The following TIAL1 variants were observed in gnomAD, a reference collection of about 807,000 sequenced individuals.
TIAL1 encodes TIA1 cytotoxic granule associated RNA binding protein like 1, also known as nucleolysin TIAR.
A neutral mutation model predicts 59.7 loss-of-function variants in TIAL1; 7 were observed. The ratio of observed to expected loss-of-function variants is 0.12; its 90% CI spans 0.07 to 0.22. The LOEUF (loss-of-function observed/expected upper bound fraction) is 0.22, where lower values mean the gene tolerates loss of function less well. Ranked by LOEUF, TIAL1 falls within the 10% of genes least tolerant of loss-of-function variation. The probability of loss-of-function intolerance (pLI) is 1.00; values close to 1 mark genes in which losing one functional copy is unlikely to be tolerated. For missense variants in TIAL1, 225 were observed against 462.5 expected (o/e 0.49, Z 4.71); for synonymous variants, 149 against 146.3 (o/e 1.02, Z -0.13).
chr10:119,576,363 T>C (rs1247337963), intron 11 of TIAL1, among the ~76,000 whole-genome samples: 1 of 152,184 alleles, frequency 6.6e-6, no homozygotes, highest in Non-Finnish European at 1.5e-5. Context: ...GTAAATCAAA[T>C]TCTACCAACT....
chr10:119,577,001 T>C, intron 10 of TIAL1, 79 bp downstream of exon 10: 2 of 1,541,566 alleles, frequency 1.3e-6, no homozygotes, highest in Non-Finnish European at 1.8e-6. Context: ...ATTTTATTGT[T>C]CATTTTACAG....
intron 10 of TIAL1, 79 bp from the exon 11 acceptor site, chr10:119,576,829 G>A: frequency 3.2e-6 from 5 of 1,553,244 alleles, no homozygotes; most frequent in Non-Finnish European, 4.4e-6. Context: ...ACAAGGAAGA[G>A]AAAAACTAAG....
In TIAL1 at chr10:119,588,194, G is replaced by A. The variant is rs760643729; in HGVS notation, c.87C>T (p.Phe29=). Residue 29 remains phenylalanine (F), a synonymous_variant, in exon 2 of 12, where the codon TTC becomes TTT. Transcript: ENST00000436547. ...AGCTTTTACAGGGTCCAATCTGACT[G>A]AACAACTGAAGTATAAGGACTTCTG... ...DVTEVLILQL[F]SQIGPCKSCK... is the part of the protein sequence containing the mutation. 1.3e-6 allele frequency: 2 copies of A among 1,599,368 alleles called. No individual in the cohort carries two copies. The highest frequency in any genetic ancestry group is 1.7e-6 in the Non-Finnish European group (2 of 1,171,438).
chr10:119,579,875 TTAAG>T, intron 6 of TIAL1, 56 bp downstream of exon 6: 2 of 1,355,232 alleles, frequency 1.5e-6, no homozygotes, highest in African/African-American at 1.5e-5. Context: ...ATTCAATACA[TTAAG>T]TAACTAATGA....
chr10:119,596,906 G>C lies in TIAL1; in HGVS notation c.-441C>G, dbSNP rs571144166. 63 of 184,292 alleles carry C rather than the reference G, an allele frequency of 3.4e-4. No homozygotes were observed. The highest frequency in any genetic ancestry group is 1.5e-3 in the African/African-American group (62 of 42,052). 11.4% of individuals were successfully genotyped at this position (184,292 alleles called of 1,614,324 possible). A position where few individuals can be genotyped will look rare whatever the true frequency, so the allele number is the denominator to read the frequency against. On this transcript the variant is annotated 5_prime_UTR_variant, in exon 1 of 12. Transcript: ENST00000436547. ...GAGATCGGGCAAAAAGAGAAACGTC[G>C]TGAAGCCGAAGTCTCTGGGAATTGT... is the stretch of plus-strand genomic sequence containing the variant.
intron 5 of TIAL1, 81 bp downstream of exon 5, chr10:119,581,841 G>A (rs375300356): frequency 9.0e-7 from 1 of 1,109,926 alleles, no homozygotes. Context: ...ACTAGAGAAA[G>A]AAAATCTTAA....
At position 119,575,662 on chromosome 10, in the gene TIAL1, G is replaced by A. The variant is rs772511363; in HGVS notation, c.*3C>T. 39 of 1,612,814 alleles carry A rather than the reference G, an allele frequency of 2.4e-5. 1 individual carries two copies. Among genetic ancestry groups the A allele is most frequent in the South Asian group, 1.4e-4 (13 of 91,048 alleles). ...AATTACAATTTTTTTTTAGAGTCCC[G>A]GCTCACTGTGTTTGGTAACTTGCCA... On this transcript the variant is annotated 3_prime_UTR_variant, in exon 12 of 12. Coordinates refer to ENST00000436547, the MANE Select transcript of TIAL1 (RefSeq NM_003252.4).
chr10:119,578,362 C>T (rs1331598619), intron 7 of TIAL1, among the ~76,000 whole-genome samples: 2 of 151,896 alleles, frequency 1.3e-5, no homozygotes, highest in East Asian at 1.9e-4. Flanking sequence ...TATACCACAG[C>T]CCAATTATTT....
chr10:119,596,073 T>C (rs1459003490), intron 1 of TIAL1, among the ~76,000 whole-genome samples: 1 of 139,676 alleles, frequency 7.2e-6, no homozygotes, highest in Non-Finnish European at 1.6e-5. Flanking sequence ...CCTTCCCCCG[T>C]GGGCGCCGGC....
intron 1 of TIAL1, among the ~76,000 whole-genome samples, chr10:119,590,603 G>A (rs7093070): frequency 0.15 from 22,759 of 151,872 alleles, 2,005 homozygotes; most frequent in African/African-American, 0.24. Flanking sequence ...CCAGCTACTC[G>A]GGAGGCCGAG....
chr10:119,578,540 A>C (rs1304775050), intron 7 of TIAL1, among the ~76,000 whole-genome samples, 186 bp downstream of exon 7: 2 of 152,072 alleles, frequency 1.3e-5, no homozygotes, highest in African/African-American at 2.4e-5. Flanking sequence ...CTGAGGTGAA[A>C]GGATCACTTA....
chr10:119,585,240 T>C (rs1845506646), intron 2 of TIAL1, among the ~76,000 whole-genome samples: 1 of 151,808 alleles, frequency 6.6e-6, no homozygotes, highest in Non-Finnish European at 1.5e-5. Flanking sequence ...CCTAGGAGTT[T>C]AGGACCAGCC....
chr10:119,577,797 T>A, intron 7 of TIAL1, 61 bp from the exon 8 acceptor site: 1 of 1,390,968 alleles, frequency 7.2e-7, no homozygotes, highest in Non-Finnish European at 1.0e-6. Flanking sequence ...ACTCTTCTGT[T>A]AATTACTATA....
At chr10:119,584,924 G>C (rs923366985) in intron 2 of TIAL1, among the ~76,000 whole-genome samples, 4 of 151,692 alleles carry the variant, frequency 2.6e-5, no homozygotes, top group African/African-American at 9.7e-5. Context: ...GGCTAATATG[G>C]TGAAACCTTG....
chr10:119,586,089 C>A (rs180705400), intron 2 of TIAL1, among the ~76,000 whole-genome samples: 1 of 152,306 alleles, frequency 6.6e-6, no homozygotes, highest in Admixed American at 6.5e-5. Context: ...CCACTGCAAG[C>A]TTCAGCACCG....
intron 1 of TIAL1, among the ~76,000 whole-genome samples, chr10:119,593,254 T>G (rs1203835541): frequency 6.6e-6 from 1 of 152,190 alleles, no homozygotes; most frequent in Non-Finnish European, 1.5e-5. Flanking sequence ...CTTGTTTGTT[T>G]TTTTAGATCA....
intron 2 of TIAL1, among the ~76,000 whole-genome samples, chr10:119,584,910 T>C (rs1845480445): frequency 6.6e-6 from 1 of 151,782 alleles, no homozygotes; most frequent in African/African-American, 2.4e-5. Context: ...ATCAAGACCA[T>C]CCTGGCTAAT....
At position 119,577,729 on chromosome 10, in the gene TIAL1, A is replaced by T; in HGVS notation, c.564T>A (p.Thr188=). Residue 188 remains threonine (T), a synonymous_variant, in exon 8 of 12, where the codon ACT becomes ACA. Transcript: ENST00000436547. ...CTACATCTTCAAATCTCAACTGCTT[A>T]GTGTTGTCTGTATGCAGAAACAAAA... ...PAPKSTQENN[T]KQLRFEDVVN... The T allele has an allele frequency of 6.2e-7, 1 of 1,613,716 alleles. No individual in the cohort carries two copies. Among genetic ancestry groups the T allele is most frequent in the Non-Finnish European group, 8.5e-7 (1 of 1,179,600 alleles).
At chr10:119,578,397 ATAAT>A (rs1845132474) in intron 7 of TIAL1, among the ~76,000 whole-genome samples, 1 of 152,282 alleles carries the variant, frequency 6.6e-6, no homozygotes. Flanking sequence ...ATAAAATGAA[ATAAT>A]TAGAGTCTTG....
Sources: allele counts gnomAD v4.1 joint callset (sites outside exome capture counted in the v4.1 genomes callset), GRCh38; gene constraint gnomAD v4.1.1; transcripts MANE v1.5; gene names NCBI Gene and HGNC (gene_info 2026-07-23, HGNC 2026-07-21).